Variants in MAP3K3 observed in about 807,000 individuals in gnomAD.
MAP3K3 encodes the protein mitogen-activated protein kinase kinase kinase 3.
In MAP3K3, 12 loss-of-function variants were observed where a neutral mutation model predicts 80.9. The observed-to-expected ratio is 0.15, with a 90% CI of 0.10 to 0.24. The LOEUF is 0.24. Ranked by LOEUF, MAP3K3 falls within the 10% of genes least tolerant of loss-of-function variation. The pLI, the probability that MAP3K3 is intolerant of heterozygous loss-of-function variation, is 1.00. For synonymous variants in MAP3K3, 272 were observed against 307.1 expected, an observed-to-expected ratio of 0.89 and a Z score of 1.19; for missense variants, 596 against 834.7, an observed-to-expected ratio of 0.71 and a Z score of 3.52.
Position 63,688,848 on chromosome 17 carries a change from C to A in MAP3K3, c.838C>A (p.His280Asn), listed in dbSNP as rs1050901169. Residue 280 changes from histidine to asparagine, a missense_variant, in exon 10 of 16, where the codon CAC (histidine) becomes AAC (asparagine). Around this residue, in one of 2 missense-constraint regions of MAP3K3, gnomAD observed 364 missense variants for 588.9 expected, o/e 0.62. Transcript: ENST00000361733. ...VKGGTYPRRY[H>N]VSVHHKDYSD... is the part of the protein sequence containing the mutation. ...AGGTGGAACCTACCCCCGGCGCTACCACGTGTCTGTGCACCACAAGGACTA... is the reference window on the plus strand; with the variant it reads ...AGGTGGAACCTACCCCCGGCGCTACAACGTGTCTGTGCACCACAAGGACTA... 1 of 1,614,072 alleles carries A rather than the reference C, an allele frequency of 6.2e-7. No homozygotes were observed. The highest frequency in any genetic ancestry group is 1.7e-5 in the Admixed American group (1 of 60,026).
chr17:63,671,640 T>C (rs1362744775), intron 6 of MAP3K3, among the ~76,000 whole-genome samples: 1 of 152,196 alleles, frequency 6.6e-6, no homozygotes, highest in Non-Finnish European at 1.5e-5. Flanking sequence ...GTCAGGTGCC[T>C]GAGGTGATGT....
At chr17:63,648,329 C>T (rs1393936027) in intron 3 of MAP3K3, among the ~76,000 whole-genome samples, 1 of 152,162 alleles carries the variant, frequency 6.6e-6, no homozygotes, top group Non-Finnish European at 1.5e-5. Flanking sequence ...GAGTGGACTT[C>T]TGGTATTTTA....
intron 1 of MAP3K3, among the ~76,000 whole-genome samples, chr17:63,629,283 C>T (rs934349900): frequency 6.6e-6 from 1 of 152,084 alleles, no homozygotes; most frequent in African/African-American, 2.4e-5. Context: ...CCACCACGCG[C>T]AGTTAATTTT....
intron 2 of MAP3K3, among the ~76,000 whole-genome samples, chr17:63,637,756 G>T (rs1209301392): frequency 6.6e-6 from 1 of 152,162 alleles, no homozygotes; most frequent in African/African-American, 2.4e-5. Flanking sequence ...AAATCCCAGT[G>T]GAGGAAGAAA....
At chr17:63,688,491 G>A in intron 8 of MAP3K3, 36 bp from the exon 9 acceptor site, 1 of 1,560,154 alleles carries the variant, frequency 6.4e-7, no homozygotes. Flanking sequence ...CTGTGGAAGT[G>A]TGCGGGAGTC....
intron 5 of MAP3K3, among the ~76,000 whole-genome samples, chr17:63,658,740 T>C (rs561258321): frequency 1.3e-5 from 2 of 150,810 alleles, no homozygotes; most frequent in Non-Finnish European, 3.0e-5. Flanking sequence ...TTTTCTTTTT[T>C]TTTTTTTTTT....
Position 63,690,048 on chromosome 17 carries a change from T to G in MAP3K3, c.1064-216T>G, listed in dbSNP as rs1173292050. On this transcript the variant is annotated intron_variant, in intron 11 of 15. Transcript: ENST00000361733. ...ATCAATGCAGAAGAGCATTTAACCA[T>G]GACTTCAGCCAATCCTCTGCTTCTT... is the stretch of plus-strand genomic sequence containing the variant. The G allele has an allele frequency of 5.0e-6, 3 of 605,182 alleles. No individual in the cohort carries two copies. In the East Asian group the frequency reaches 8.4e-5, roughly 17 times the overall value. 37.5% of individuals were successfully genotyped at this position (605,182 alleles called of 1,614,324 possible). A position where few individuals can be genotyped will look rare whatever the true frequency, so the allele number is the denominator to read the frequency against.
rs1009553165 is a variant in MAP3K3, at chr17:63,694,236, A to C, written c.*459A>C. ...GCATCTCTGGGCTGGATGAGCTCCC[A>C]CAAGCCTGAGGGAAAGGCCAGCACT... On this transcript the variant is annotated 3_prime_UTR_variant, in exon 16 of 16. Transcript: ENST00000361733. 6.5e-6 allele frequency: 1 copy of C among 154,174 alleles called. No homozygotes were observed. The highest frequency in any genetic ancestry group is 1.5e-5 in the Non-Finnish European group (1 of 68,918). The allele number at this position is 154,174 out of a possible 1,614,324, so 9.6% of individuals were successfully genotyped here.
chr17:63,678,045 CT>C (rs994296900), intron 6 of MAP3K3, among the ~76,000 whole-genome samples: 6 of 152,168 alleles, frequency 3.9e-5, no homozygotes. Flanking sequence ...CATGCCTGCC[CT>C]TTTTGGAAAT....
intron 1 of MAP3K3, among the ~76,000 whole-genome samples, chr17:63,623,408 T>C (rs1171449553): frequency 6.6e-6 from 1 of 152,222 alleles, no homozygotes; most frequent in Non-Finnish European, 1.5e-5. Flanking sequence ...ATGCTGCCAG[T>C]TAGAATTCAC....
At chr17:63,625,995 C>A (rs942315540) in intron 1 of MAP3K3, among the ~76,000 whole-genome samples, 6 of 152,146 alleles carry the variant, frequency 3.9e-5, no homozygotes, top group African/African-American at 1.4e-4. Context: ...ATCATCTGAG[C>A]CTGGGAGGTT....
chr17:63,672,656 G>C (rs1384760612), intron 6 of MAP3K3, among the ~76,000 whole-genome samples: 1 of 152,136 alleles, frequency 6.6e-6, no homozygotes, highest in African/African-American at 2.4e-5. Flanking sequence ...GTCCATGATT[G>C]AGCCTTAGGA....
chr17:63,674,795 T>C (rs571992374), intron 6 of MAP3K3, among the ~76,000 whole-genome samples: 5 of 152,124 alleles, frequency 3.3e-5, no homozygotes, highest in African/African-American at 1.2e-4. Context: ...GTAGAGGGTT[T>C]ATAATACTTT....
intron 2 of MAP3K3, 101 bp from the exon 3 acceptor site, chr17:63,645,933 A>T: frequency 1.2e-6 from 1 of 826,688 alleles, no homozygotes; most frequent in South Asian, 1.4e-5. Context: ...TCAGGGATGT[A>T]TGCCTAATGT....
At chr17:63,644,020 A>AT (rs1486772302) in intron 2 of MAP3K3, among the ~76,000 whole-genome samples, 1 of 152,156 alleles carries the variant, frequency 6.6e-6, no homozygotes, top group African/African-American at 2.4e-5. Context: ...ACTTAATCTT[A>AT]TTGTAACTCA....
chr17:63,623,147 A>G (rs1481660478), intron 1 of MAP3K3, among the ~76,000 whole-genome samples: 1 of 152,054 alleles, frequency 6.6e-6, no homozygotes, highest in Non-Finnish European at 1.5e-5. Context: ...AGGCTGCCGC[A>G]GGCCCAGCTG....
intron 6 of MAP3K3, among the ~76,000 whole-genome samples, chr17:63,673,388 TA>T (rs1314418526): frequency 6.8e-6 from 1 of 147,690 alleles, no homozygotes; most frequent in East Asian, 1.9e-4. Context: ...TAGTTCATGC[TA>T]AACAAAACAG....
rs115334804 is a variant in MAP3K3, at chr17:63,646,004, C to T, written c.127-30C>T. 600 of 1,606,226 alleles carry T rather than the reference C, an allele frequency of 3.7e-4. 2 individuals carry two copies. In the African/African-American group the frequency reaches 6.8e-3, roughly 18 times the overall value. ...CAGGAGTGACACATTCCAGAGAATT[C>T]TCTAACCTGTCTATCATTCTTTTTG... On this transcript the variant is annotated intron_variant, in intron 2 of 15. Transcript: ENST00000361733.
intron 3 of MAP3K3, among the ~76,000 whole-genome samples, chr17:63,649,504 C>T (rs1213531574): frequency 2.0e-5 from 3 of 152,092 alleles, no homozygotes; most frequent in Non-Finnish European, 1.5e-5. Flanking sequence ...CGTGGAGCCT[C>T]CACCTCCCAG....
Sources: allele counts gnomAD v4.1 joint callset (sites outside exome capture counted in the v4.1 genomes callset), GRCh38; gene constraint gnomAD v4.1.1; regional missense constraint gnomAD v4.1.1; transcripts MANE v1.5; gene names NCBI Gene and HGNC (gene_info 2026-07-23, HGNC 2026-07-21).